The following ASH1L variants were observed in gnomAD, a reference collection of about 807,000 sequenced individuals.
The protein encoded by ASH1L is histone-lysine N-methyltransferase ASH1L.
A neutral mutation model predicts 269.0 loss-of-function variants in ASH1L; 23 were observed. The observed-to-expected ratio is 0.09, with a 90% CI of 0.06 to 0.12. The LOEUF is 0.12. Ranked by LOEUF, ASH1L falls within the 10% of genes least tolerant of loss-of-function variation. The probability of loss-of-function intolerance (pLI) is 1.00; values close to 1 mark genes in which losing one functional copy is unlikely to be tolerated. For missense variants in ASH1L, 2,912 were observed against 3,567.8 expected (o/e 0.82, Z 4.68); for synonymous variants, 1,187 against 1,253.5 (o/e 0.95, Z 1.12).
intron 3 of ASH1L, among the ~76,000 whole-genome samples, chr1:155,473,162 G>T (rs575607801): frequency 6.6e-6 from 1 of 152,268 alleles, no homozygotes; most frequent in East Asian, 1.9e-4. Flanking sequence ...GCTGAACGAA[G>T]GAGTACACCA....
At chr1:155,439,652 GCA>G (rs1189441387) in intron 4 of ASH1L, among the ~76,000 whole-genome samples, 4 of 152,030 alleles carry the variant, frequency 2.6e-5, no homozygotes, top group African/African-American at 9.7e-5. Flanking sequence ...GTGAGTCACT[GCA>G]CTCTAATCAG....
At chr1:155,500,814 C>G (rs759179563) in intron 2 of ASH1L, among the ~76,000 whole-genome samples, 2 of 152,006 alleles carry the variant, frequency 1.3e-5, no homozygotes, top group Non-Finnish European at 2.9e-5. Context: ...ACTAAAAATA[C>G]AAAATTAGCC....
At chr1:155,473,843 A>G (rs540692282) in intron 3 of ASH1L, among the ~76,000 whole-genome samples, 1 of 151,204 alleles carries the variant, frequency 6.6e-6, no homozygotes, top group Admixed American at 6.6e-5. Context: ...ATATATACAT[A>G]TATTTTTTTT....
chr1:155,370,292 A>G (rs1655826090), intron 12 of ASH1L: 1 of 596,874 alleles, frequency 1.7e-6, no homozygotes, highest in Non-Finnish European at 2.9e-6. Flanking sequence ...CAAAACAAAA[A>G]AACAGAACAC....
chr1:155,444,859 C>T (rs539912500), intron 4 of ASH1L, among the ~76,000 whole-genome samples: 4 of 140,146 alleles, frequency 2.9e-5, no homozygotes, highest in African/African-American at 6.7e-5. Flanking sequence ...CCTCGTGATC[C>T]GCCCGCCTCG....
At chr1:155,455,769 T>A (rs577168080) in intron 4 of ASH1L, among the ~76,000 whole-genome samples, 2 of 152,334 alleles carry the variant, frequency 1.3e-5, no homozygotes, top group South Asian at 4.1e-4. Context: ...TACAAACCTA[T>A]GACAAATTTT....
intron 12 of ASH1L, among the ~76,000 whole-genome samples, chr1:155,365,569 T>C (rs1208486956): frequency 6.6e-6 from 1 of 152,060 alleles, no homozygotes; most frequent in Admixed American, 6.6e-5. Flanking sequence ...GAACAAAATT[T>C]AAAGGATGTT....
intron 2 of ASH1L, among the ~76,000 whole-genome samples, chr1:155,505,502 G>A (rs1466463317): frequency 1.3e-5 from 2 of 152,118 alleles, no homozygotes; most frequent in Non-Finnish European, 2.9e-5. Flanking sequence ...ATATAAAACT[G>A]TAACCTCCTT....
At chr1:155,406,179 G>A (rs1289390025) in intron 6 of ASH1L, among the ~76,000 whole-genome samples, 4 of 149,228 alleles carry the variant, frequency 2.7e-5, no homozygotes, top group Non-Finnish European at 5.9e-5. Flanking sequence ...ACTCCAGCCT[G>A]GGCGACAGAG....
intron 4 of ASH1L, among the ~76,000 whole-genome samples, chr1:155,458,945 CCT>C (rs922898630): frequency 6.2e-5 from 9 of 146,310 alleles, no homozygotes; most frequent in African/African-American, 1.8e-4. Flanking sequence ...TATAAATCAT[CCT>C]CTCTCTTTTT....
At chr1:155,431,400 C>G (rs1217857805) in intron 5 of ASH1L, among the ~76,000 whole-genome samples, 1 of 151,984 alleles carries the variant, frequency 6.6e-6, no homozygotes, top group Non-Finnish European at 1.5e-5. Flanking sequence ...AGTGATCCTC[C>G]CACCTCAGCC....
intron 2 of ASH1L, among the ~76,000 whole-genome samples, chr1:155,494,316 G>A (rs1181448746): frequency 2.0e-5 from 3 of 152,210 alleles, no homozygotes; most frequent in Non-Finnish European, 2.9e-5. Context: ...AGCAAGAGAA[G>A]AGTAATGTTG....
chr1:155,341,751 T>C (rs1570940623), intron 25 of ASH1L, among the ~76,000 whole-genome samples, 185 bp downstream of exon 25: 1 of 152,308 alleles, frequency 6.6e-6, no homozygotes, highest in East Asian at 1.9e-4. Context: ...TTTTCTGAGA[T>C]ACAGTCTATG....
At chr1:155,455,934 A>G (rs143488394) in intron 4 of ASH1L, among the ~76,000 whole-genome samples, 3 of 152,140 alleles carry the variant, frequency 2.0e-5, no homozygotes, top group East Asian at 3.9e-4. Context: ...GTTTATTTCT[A>G]TTTTCCCGTA....
intron 5 of ASH1L, among the ~76,000 whole-genome samples, chr1:155,423,017 G>T (rs369599353): frequency 6.7e-6 from 1 of 149,728 alleles, no homozygotes; most frequent in East Asian, 2.0e-4. Flanking sequence ...GTGCGATCTC[G>T]GCTCTCTGTA....
chr1:155,526,123 A>C (rs192160222), intron 1 of ASH1L, among the ~76,000 whole-genome samples: 1 of 152,212 alleles, frequency 6.6e-6, no homozygotes, highest in Admixed American at 6.5e-5. Flanking sequence ...TATAAGCTTC[A>C]TGAGGATAGG....
chr1:155,513,295 C>T (rs193300184), intron 2 of ASH1L, among the ~76,000 whole-genome samples: 1 of 152,082 alleles, frequency 6.6e-6, no homozygotes, highest in Non-Finnish European at 1.5e-5. Flanking sequence ...CAGCCAGGCA[C>T]AGTGGCTCAC....
In ASH1L at chr1:155,478,311, C is replaced by T; in HGVS notation, c.4559G>A (p.Gly1520Glu). The change falls in exon 3 of 28, where the codon GGA (glycine) becomes GAA (glutamate). Residue 1520 changes from glycine to glutamate, a missense_variant. This residue lies in a region of ASH1L where 789 missense variants were observed against 897.6 expected (regional missense o/e 0.88). Transcript: ENST00000392403. This position sits in a 1 kb window ranked among gnomAD's most constrained non-coding sequence, Gnocchi z 4.6. ...VLESLKRYRF[G>E]KDAVGERYKH... ...ATATCGCTCTCCAACAGCATCCTTT[C>T]CAAATCTATAGCGCTTCAAAGATTC... 1 of 1,614,146 alleles carries T rather than the reference C, an allele frequency of 6.2e-7. No individual in the cohort carries two copies. The highest frequency in any genetic ancestry group is 8.5e-7 in the Non-Finnish European group (1 of 1,180,042).
intron 1 of ASH1L, among the ~76,000 whole-genome samples, chr1:155,542,351 C>G (rs957477390): frequency 6.6e-6 from 1 of 152,084 alleles, no homozygotes; most frequent in East Asian, 1.9e-4. Flanking sequence ...AGATCGAGAC[C>G]ATCCTGGCTA....
Sources: gnomAD v4.1 joint callset for allele counts (sites outside exome capture counted in the v4.1 genomes callset) on GRCh38, gnomAD v4.1.1 for gene constraint, gnomAD v4.1.1 regional missense constraint, Gnocchi (gnomAD v3.1) non-coding constraint, MANE v1.5 for transcripts, NCBI Gene and HGNC (gene_info 2026-07-23, HGNC 2026-07-21) for gene names.